The following ETV4 variants were observed in gnomAD, a reference collection of about 807,000 sequenced individuals.
The protein encoded by ETV4 is ETS translocation variant 4.
ETV4 carries 42 observed loss-of-function variants against 65.9 expected under a neutral mutation model. That is an observed-to-expected ratio of 0.64 (90% CI 0.50 to 0.82). The LOEUF is 0.82. ETV4 is among the 40% of genes least tolerant of loss of function. The pLI is 0.00. For missense variants in ETV4, 583 were observed against 630.3 expected (o/e 0.92, Z 0.80); for synonymous variants, 238 against 260.0 (o/e 0.92, Z 0.81).
At chr17:43,537,205 A>C (rs1293778324) in intron 4 of ETV4, among the ~76,000 whole-genome samples, 1 of 151,918 alleles carries the variant, frequency 6.6e-6, no homozygotes, top group Non-Finnish European at 1.5e-5. Flanking sequence ...ATCTTTACTA[A>C]AAGTACAAAA....
intron 4 of ETV4, among the ~76,000 whole-genome samples, chr17:43,538,027 G>A (rs1971335082): frequency 6.6e-6 from 1 of 151,914 alleles, no homozygotes; most frequent in African/African-American, 2.4e-5. Context: ...CTAATCCTGA[G>A]GCAGGAGTAT....
rs551193933 is a variant in ETV4, at chr17:43,533,160, G to A, written c.545+27C>T. On this transcript the variant is annotated intron_variant, in intron 7 of 12. Coordinates refer to ENST00000319349, the MANE Select transcript of ETV4 (RefSeq NM_001079675.5). The stretch of plus-strand genomic sequence containing the variant: ...GAATTGAAAAAACACCTGGGCCCAT[G>A]AGCAGTGGGTTTCCCTGTCTCCTTA... 2.9e-5 allele frequency: 46 copies of A among 1,610,894 alleles called. 1 individual carries two copies. The South Asian group carries it at 4.3e-4, about 15-fold the overall frequency.
At chr17:43,532,346 AAAATTAGCCGGGCACGGTGG>A (rs1970985541) in intron 8 of ETV4, among the ~76,000 whole-genome samples, 1 of 152,136 alleles carries the variant, frequency 6.6e-6, no homozygotes, top group Non-Finnish European at 1.5e-5. Flanking sequence ...TAAAAATACA[AAAATTAGCCGGGCACGGTGG>A]CTGGTGCCTG....
chr17:43,530,817 T>C (rs1359407988), intron 8 of ETV4, among the ~76,000 whole-genome samples: 1 of 151,812 alleles, frequency 6.6e-6, no homozygotes, highest in Non-Finnish European at 1.5e-5. Flanking sequence ...TTCCAACCCC[T>C]TCCCGCCCTC....
At chr17:43,540,899 C>T (rs898632987) in intron 4 of ETV4, among the ~76,000 whole-genome samples, 12 of 152,018 alleles carry the variant, frequency 7.9e-5, no homozygotes, top group African/African-American at 1.2e-4. Context: ...GGGTGGCTGA[C>T]GCATTCCGGC....
At chr17:43,540,424 GCC>G (rs1295728435) in intron 4 of ETV4, among the ~76,000 whole-genome samples, 1 of 152,210 alleles carries the variant, frequency 6.6e-6, no homozygotes, top group Non-Finnish European at 1.5e-5. Flanking sequence ...ATGCACTCCA[GCC>G]TGGGCAACAG....
rs1282488878 is a variant in ETV4, at chr17:43,529,678, T to C, written c.956-2A>G. ...CGACCCCTTCCTGCTTGATGTCTCC[T>C]GGGGAACACGAAAATAGGAGGTGTG... On this transcript the variant is annotated splice_acceptor_variant, in intron 10 of 12. Transcript: ENST00000319349. LOFTEE classifies it high-confidence loss of function. The C allele has an allele frequency of 6.2e-7, 1 of 1,605,720 alleles. No homozygotes were observed. The highest frequency in any genetic ancestry group is 8.5e-7 in the Non-Finnish European group (1 of 1,174,732).
intron 7 of ETV4, 73 bp downstream of exon 7, chr17:43,533,109 CTCAAG>C: frequency 6.4e-7 from 1 of 1,564,096 alleles, no homozygotes; most frequent in Non-Finnish European, 8.7e-7. Flanking sequence ...CACCCCACAG[CTCAAG>C]TCTTTATGGA....
At chr17:43,529,756 T>G in intron 10 of ETV4, 80 bp from the exon 11 acceptor site, 1 of 1,590,500 alleles carries the variant, frequency 6.3e-7, no homozygotes, top group Non-Finnish European at 8.6e-7. Flanking sequence ...GAGGGATTTC[T>G]CGAAGGGGTC....
intron 4 of ETV4, 142 bp downstream of exon 4, chr17:43,544,833 G>A (rs1166521866): frequency 1.5e-5 from 11 of 718,144 alleles, no homozygotes; most frequent in Non-Finnish European, 2.7e-5. Context: ...GAGTGGCAAG[G>A]GACCTGGGGA....
intron 9 of ETV4, 67 bp from the exon 10 acceptor site, chr17:43,530,019 G>T (rs1295765632): frequency 6.2e-7 from 1 of 1,609,654 alleles, no homozygotes; most frequent in African/African-American, 1.3e-5. Flanking sequence ...AGAGTCCAGA[G>T]GGACTCCTGG....
At chr17:43,531,297 G>C (rs978305100) in intron 8 of ETV4, among the ~76,000 whole-genome samples, 1 of 152,194 alleles carries the variant, frequency 6.6e-6, no homozygotes, top group African/African-American at 2.4e-5. Context: ...GGGTTTTCTG[G>C]ACCCTTCCTG....
In ETV4 at chr17:43,529,905, C is replaced by G. The variant is rs147888887; in HGVS notation, c.934G>C (p.Val312Leu). Residue 312 changes from valine (V) to leucine (L), a missense_variant, in exon 10 of 13, where the codon GTT becomes CTT. Coordinates refer to ENST00000319349, the MANE Select transcript of ETV4 (RefSeq NM_001079675.5). ...PLRPFPDDVCVVPEKFEGDIK... is the reference protein window; with the variant it reads ...PLRPFPDDVCLVPEKFEGDIK... Reference sequence around the variant, plus strand: ...TGACCTTCAAATTTCTCAGGGACAACGCAGACATCATCTGGGAATGGTCGC... The same window carrying G: ...TGACCTTCAAATTTCTCAGGGACAAGGCAGACATCATCTGGGAATGGTCGC... The G allele has an allele frequency of 6.9e-5, 111 of 1,614,052 alleles. No individual in the cohort carries two copies. Among genetic ancestry groups the G allele is most frequent in the Non-Finnish European group, 9.0e-5 (106 of 1,180,038 alleles).
At chr17:43,543,296 T>TCTCTCTCTCTCTCACA (rs888736657) in intron 4 of ETV4, among the ~76,000 whole-genome samples, 52 of 143,456 alleles carry the variant, frequency 3.6e-4, no homozygotes, top group Middle Eastern at 3.5e-3. Flanking sequence ...TCTCTCTCTC[T>TCTCTCTCTCTCTCACA]CACACACACA....
chr17:43,528,471 G>A lies in ETV4; in HGVS notation c.*48C>T, dbSNP rs757289344. On this transcript the variant is annotated 3_prime_UTR_variant, in exon 13 of 13. Transcript: ENST00000319349. The stretch of plus-strand genomic sequence containing the variant: ...TCCCCAACACCAGATTCATTTATAT[G>A]TACACAGGGCAGCACCCACCTGCGG... 6 of 1,294,764 alleles carry A rather than the reference G, an allele frequency of 4.6e-6. No homozygotes were observed. In the African/African-American group the frequency reaches 7.4e-5, roughly 16 times the overall value. 80.2% of individuals were successfully genotyped at this position (1,294,764 alleles called of 1,614,324 possible). A position where few individuals can be genotyped will look rare whatever the true frequency, so the allele number is the denominator to read the frequency against.
At chr17:43,544,871 G>C in intron 4 of ETV4, 104 bp downstream of exon 4, 3 of 1,108,644 alleles carry the variant, frequency 2.7e-6, no homozygotes, top group Non-Finnish European at 4.1e-6. Flanking sequence ...CCTTGAGGCA[G>C]GGAAGGGAGA....
intron 4 of ETV4, among the ~76,000 whole-genome samples, chr17:43,537,609 T>C (rs1356008894): frequency 4.6e-5 from 7 of 151,410 alleles, no homozygotes; most frequent in Non-Finnish European, 1.0e-4. Context: ...GGCAGGAGAA[T>C]TGCTTGAACC....
rs56357945 is a variant in ETV4, at chr17:43,536,323, G to T, written c.256+103C>A. The T allele has an allele frequency of 0.25, 267,301 of 1,058,838 alleles. 34,598 individuals are homozygous for T. The highest frequency in any genetic ancestry group is 0.36 in the East Asian group (15,164 of 42,180). The allele number at this position is 1,058,838 out of a possible 1,614,324, so 65.6% of individuals were successfully genotyped here. On this transcript the variant is annotated intron_variant, in intron 5 of 12. Coordinates refer to ENST00000319349, the MANE Select transcript of ETV4 (RefSeq NM_001079675.5). ...GGTCTTTAAGATCAAACCCCACTGT[G>T]TTTTAGGAGAGAACAAGCTGCTCTC...
Position 43,529,157 on chromosome 17 carries a change from T to C in ETV4, c.1208A>G (p.Tyr403Cys). The change falls in exon 12 of 13, where the codon TAT (tyrosine) becomes TGT (cysteine). Residue 403 changes from tyrosine (Y) to cysteine (C), a missense_variant. By Grantham distance (194) the Tyr-to-Cys change is radical. Transcript: ENST00000319349. ...CACCTTCTGCATGATGCCTTTCTCA[T>C]AATAGTATCGGAGCGAGCGGCTCAG... ...DKLSRSLRYY[Y>C]EKGIMQKVAG... 6.2e-7 allele frequency: 1 copy of C among 1,613,906 alleles called. No individual in the cohort carries two copies. The highest frequency in any genetic ancestry group is 1.1e-5 in the South Asian group (1 of 91,076).
Sources: allele counts gnomAD v4.1 joint callset (sites outside exome capture counted in the v4.1 genomes callset), GRCh38; gene constraint gnomAD v4.1.1; transcripts MANE v1.5; gene names NCBI Gene and HGNC (gene_info 2026-07-23, HGNC 2026-07-21).